Variants in SERTM1 observed in about 807,000 individuals in gnomAD.
SERTM1 encodes serine-rich and transmembrane domain-containing protein 1.
SERTM1 carries 1 observed loss-of-function variant against 5.5 expected under a neutral mutation model. The observed-to-expected ratio is 0.18, with a 90% CI of 0.06 to 0.86. The LOEUF is 0.86. SERTM1 is among the 40% of genes least tolerant of loss of function. The pLI is 0.69. For missense variants in SERTM1, 91 were observed against 122.4 expected, an observed-to-expected ratio of 0.74 and a Z score of 1.21; for synonymous variants, 52 against 55.1, an observed-to-expected ratio of 0.94 and a Z score of 0.25.
chr13:36,688,938 TTTGA>T lies in SERTM1; in HGVS notation c.-173-5965_-173-5962del, dbSNP rs1566230413. On this transcript the variant is annotated intron_variant, in intron 1 of 1. Transcript: ENST00000315190. ...ACCCGCAGGTTACTCCTTTTCTTGT[TTTGA>T]TTTAGGCCAATTATGTTAGCCAAGA... Among the ~76,000 whole-genome samples the T allele has an allele frequency of 2.6e-5, 4 of 152,256 alleles. No homozygotes were observed. The South Asian group carries it at 6.2e-4, about 24-fold the overall frequency.
At chr13:36,681,568 T>C (rs2056705319) in intron 1 of SERTM1, among the ~76,000 whole-genome samples, 3 of 152,240 alleles carry the variant, frequency 2.0e-5, no homozygotes. Flanking sequence ...TATTCCTGAA[T>C]GTAGTGAATT....
At chr13:36,694,791 C>T (rs1010141151) in intron 1 of SERTM1, 115 bp from the exon 2 acceptor site, 5 of 401,554 alleles carry the variant, frequency 1.2e-5, no homozygotes, top group African/African-American at 1.0e-4. Flanking sequence ...GGAGTTATAT[C>T]ATCTTGTTTC....
chr13:36,675,342 G>C (rs1012835474), intron 1 of SERTM1, among the ~76,000 whole-genome samples: 2 of 152,134 alleles, frequency 1.3e-5, no homozygotes, highest in Non-Finnish European at 2.9e-5. Flanking sequence ...ACTGTCCTGG[G>C]GCGGACCCGC....
At chr13:36,684,045 C>A (rs1355511828) in intron 1 of SERTM1, among the ~76,000 whole-genome samples, 1 of 152,186 alleles carries the variant, frequency 6.6e-6, no homozygotes, top group Non-Finnish European at 1.5e-5. Flanking sequence ...CGCCTGTAAT[C>A]CCAGCACTTT....
rs1221482441 is a variant in SERTM1 at position 36,695,397 on chromosome 13, T to A, written c.319T>A (p.Ser107Thr). The A allele has an allele frequency of 1.2e-6, 2 of 1,612,034 alleles. No individual in the cohort carries two copies. The highest frequency in any genetic ancestry group is 2.2e-5 in the East Asian group (1 of 44,892). The change falls in exon 2 of 2, where the codon TCC (serine) becomes ACC (threonine). Residue 107 changes from serine (S) to threonine (T), a missense_variant. By Grantham distance (58) the Ser-to-Thr change is moderately conservative (BLOSUM62 1). Transcript: ENST00000315190. Reference protein sequence around the residue: ...SQRSTFSNLSS With the variant: ...SQRSTFSNLST ...GAGGTCCACTTTTTCAAACCTTTCA[T>A]CCTGAGGAAAATGGAAGAGTCCTTG...
chr13:36,685,080 G>A lies in SERTM1; in HGVS notation c.-173-9826G>A, dbSNP rs1403535672. 5.3e-5 allele frequency among the ~76,000 whole-genome samples: 8 copies of A among 152,130 alleles called. No homozygotes were observed. In the East Asian group the frequency reaches 5.8e-4, roughly 11 times the overall value. On this transcript the variant is annotated intron_variant, in intron 1 of 1. Coordinates refer to ENST00000315190, the MANE Select transcript of SERTM1 (RefSeq NM_203451.3). The stretch of plus-strand genomic sequence containing the variant: ...CTTTGACAGGCTCTGGTCTTGAATC[G>A]TTATCTAAAATGACAACAGGCTGCT...
rs9566155 is a variant in SERTM1, at chr13:36,692,516, G to A, written c.-173-2390G>A. On this transcript the variant is annotated intron_variant, in intron 1 of 1. Transcript: ENST00000315190. ...TCAGCCAACTTCAGCTACACCTGTC[G>A]AAACTGTAGGACTAAGAGAGACCTT... Among the ~76,000 whole-genome samples, 66 of 152,310 alleles carry A rather than the reference G, an allele frequency of 4.3e-4. 1 individual carries two copies. Among genetic ancestry groups the A allele is most frequent in the Middle Eastern group, 6.8e-3 (2 of 294 alleles).
At chr13:36,681,104 T>G (rs2056702224) in intron 1 of SERTM1, among the ~76,000 whole-genome samples, 1 of 152,216 alleles carries the variant, frequency 6.6e-6, no homozygotes, top group South Asian at 2.1e-4. Context: ...CACATCACCA[T>G]GGCTATGATC....
intron 1 of SERTM1, among the ~76,000 whole-genome samples, chr13:36,675,671 A>G (rs2056665442): frequency 1.3e-5 from 2 of 152,102 alleles, no homozygotes; most frequent in African/African-American, 4.8e-5. Context: ...CGCCACCACC[A>G]CACTCAGAAC....
intron 1 of SERTM1, 127 bp from the exon 2 acceptor site, chr13:36,694,779 G>T: frequency 2.6e-6 from 1 of 381,140 alleles, no homozygotes; most frequent in Non-Finnish European, 4.7e-6. Context: ...CTGATTCCTA[G>T]GGGAGTTATA....
At chr13:36,681,620 C>T (rs907042230) in intron 1 of SERTM1, among the ~76,000 whole-genome samples, 3 of 152,098 alleles carry the variant, frequency 2.0e-5, no homozygotes, top group East Asian at 1.9e-4. Context: ...TGGGGATTTT[C>T]CTTGACCCTT....
intron 1 of SERTM1, among the ~76,000 whole-genome samples, chr13:36,684,867 T>C (rs545356625): frequency 1.8e-4 from 27 of 152,328 alleles, no homozygotes; most frequent in South Asian, 6.2e-4. Context: ...CATAATTTCC[T>C]TGAGTGAAAA....
rs147845239 is a variant in SERTM1 at position 36,674,665 on chromosome 13, C to G, written c.-174+481C>G. On this transcript the variant is annotated intron_variant, in intron 1 of 1. Coordinates refer to ENST00000315190, the MANE Select transcript of SERTM1 (RefSeq NM_203451.3). ...GGGTCATTCTTGGGTTTGTTTTGCT[C>G]CTGTCTGATTTTCTAGGGTCATTTG... is the stretch of plus-strand genomic sequence containing the variant. Among the ~76,000 whole-genome samples the G allele has an allele frequency of 2.6e-3, 388 of 152,128 alleles. 1 individual carries two copies. The highest frequency in any genetic ancestry group is 6.9e-3 in the South Asian group (33 of 4,806).
intron 1 of SERTM1, among the ~76,000 whole-genome samples, chr13:36,683,422 G>A (rs1051431489): frequency 6.6e-6 from 1 of 152,022 alleles, no homozygotes; most frequent in African/African-American, 2.4e-5. Context: ...AATTCTTACA[G>A]ACCCATAATA....
chr13:36,681,367 A>G (rs1321119183), intron 1 of SERTM1, among the ~76,000 whole-genome samples: 1 of 152,244 alleles, frequency 6.6e-6, no homozygotes, highest in Non-Finnish European at 1.5e-5. Context: ...TGAGGGAGCC[A>G]GGTGGCTACT....
chr13:36,690,389 T>C (rs1593399262), intron 1 of SERTM1, among the ~76,000 whole-genome samples: 1 of 152,192 alleles, frequency 6.6e-6, no homozygotes, highest in South Asian at 2.1e-4. Context: ...TGAGTAAGGG[T>C]AGCACGTAAG....
At chr13:36,692,878 G>A (rs2056788357) in intron 1 of SERTM1, among the ~76,000 whole-genome samples, 1 of 152,170 alleles carries the variant, frequency 6.6e-6, no homozygotes, top group Non-Finnish European at 1.5e-5. Flanking sequence ...TGTACCCTGA[G>A]TAAATCGCGA....
chr13:36,695,238 T>G lies in SERTM1; in HGVS notation c.160T>G (p.Phe54Val). Residue 54 changes from phenylalanine to valine, a missense_variant, in exon 2 of 2, where the codon TTT becomes GTT. Physicochemically the swap from Phe to Val is conservative, Grantham distance 50 (BLOSUM62 -1). Transcript: ENST00000315190. ...YVSIFLSLLA[F>V]LLLLLIIALQ... is the part of the protein sequence containing the mutation. ...GTCCATATTCCTCAGCCTTTTAGCG[T>G]TTCTGCTTCTGCTTTTAATCATTGC... The G allele has an allele frequency of 6.2e-7, 1 of 1,614,194 alleles. No individual in the cohort carries two copies. Among genetic ancestry groups the G allele is most frequent in the Non-Finnish European group, 8.5e-7 (1 of 1,180,038 alleles).
At position 36,696,988 on chromosome 13, in the gene SERTM1, G is replaced by T. The variant is rs1172916155; in HGVS notation, c.*1586G>T. On this transcript the variant is annotated 3_prime_UTR_variant, in exon 2 of 2. Transcript: ENST00000315190. ...GGGTTTATCTTTATCATACTAAAAT[G>T]CTGAGTGAGTGGAGGTCTGGGAATG... The T allele has an allele frequency of 6.0e-6, 1 of 166,996 alleles. No homozygotes were observed. Among genetic ancestry groups the T allele is most frequent in the Non-Finnish European group, 1.5e-5 (1 of 68,112 alleles). The allele number at this position is 166,996 out of a possible 1,614,324, so 10.3% of individuals were successfully genotyped here.
Sources: gnomAD v4.1 joint callset for allele counts (sites outside exome capture counted in the v4.1 genomes callset) on GRCh38, gnomAD v4.1.1 for gene constraint, MANE v1.5 for transcripts, NCBI Gene and HGNC (gene_info 2026-07-23, HGNC 2026-07-21) for gene names.